Variants in MITF observed in about 807,000 individuals in gnomAD.
The protein encoded by MITF is melanocyte inducing transcription factor.
In MITF, 17 loss-of-function variants were observed where a neutral mutation model predicts 60.5. The ratio of observed to expected loss-of-function variants is 0.28; its 90% CI spans 0.19 to 0.42. MITF has a LOEUF of 0.42. Among genes scored for constraint, MITF ranks in the 10% least tolerant of loss-of-function variants. MITF has a pLI of 1.00. For synonymous variants in MITF, 260 were observed against 248.5 expected (o/e 1.05, Z -0.43); for missense variants, 622 against 683.5 (o/e 0.91, Z 1.00).
intron 1 of MITF, among the ~76,000 whole-genome samples, chr3:69,757,516 G>T (rs1029550398): frequency 1.3e-5 from 2 of 152,152 alleles, no homozygotes; most frequent in Non-Finnish European, 2.9e-5. Flanking sequence ...AGTTGGGGAG[G>T]TTTGGTCAGA....
At chr3:69,951,576 G>T (rs1367327228) in intron 6 of MITF, among the ~76,000 whole-genome samples, 2 of 150,292 alleles carry the variant, frequency 1.3e-5, no homozygotes, top group African/African-American at 4.9e-5. Context: ...TTTTACCAGG[G>T]TTTTTTTTTA....
At chr3:69,800,962 A>G (rs1392235205) in intron 1 of MITF, among the ~76,000 whole-genome samples, 2 of 152,162 alleles carry the variant, frequency 1.3e-5, no homozygotes, top group Admixed American at 1.3e-4. Context: ...TTATGTATAA[A>G]TTATAGAAAC....
At chr3:69,917,055 A>G (rs1045735373) in intron 2 of MITF, among the ~76,000 whole-genome samples, 4 of 152,196 alleles carry the variant, frequency 2.6e-5, no homozygotes, top group Admixed American at 6.5e-5. Flanking sequence ...TGTCCAGTGC[A>G]TGATGGGCAG....
chr3:69,931,301 G>A (rs192686827), intron 2 of MITF, among the ~76,000 whole-genome samples: 10 of 151,994 alleles, frequency 6.6e-5, no homozygotes, highest in South Asian at 2.1e-4. Flanking sequence ...TCTTCTATTC[G>A]GCTGAGATAA....
chr3:69,838,920 A>G (rs1215241501), intron 1 of MITF, among the ~76,000 whole-genome samples: 1 of 152,136 alleles, frequency 6.6e-6, no homozygotes, highest in Non-Finnish European at 1.5e-5. Context: ...GAGCAGTATG[A>G]TTGAGCTGCA....
chr3:69,892,595 C>T (rs554442288), intron 2 of MITF, among the ~76,000 whole-genome samples: 3 of 152,262 alleles, frequency 2.0e-5, no homozygotes, highest in East Asian at 3.9e-4. Context: ...TTTGGTTGCT[C>T]CTCTGAAGAA....
intron 1 of MITF, among the ~76,000 whole-genome samples, chr3:69,859,944 T>C (rs2063983746): frequency 6.6e-6 from 1 of 152,194 alleles, no homozygotes; most frequent in Admixed American, 6.5e-5. Flanking sequence ...CCCACACTGA[T>C]GACGGCCTTA....
At chr3:69,936,143 T>C (rs559486966) in intron 2 of MITF, among the ~76,000 whole-genome samples, 3 of 152,288 alleles carry the variant, frequency 2.0e-5, no homozygotes, top group Non-Finnish European at 4.4e-5. Context: ...GAAGAGGCTG[T>C]TGAACTTGAA....
intron 1 of MITF, among the ~76,000 whole-genome samples, chr3:69,802,574 C>T (rs142000970): frequency 3.3e-5 from 5 of 151,934 alleles, no homozygotes; most frequent in East Asian, 1.9e-4. Flanking sequence ...GTGAGGGAAC[C>T]GCCATCCATT....
intron 1 of MITF, among the ~76,000 whole-genome samples, chr3:69,871,009 T>C (rs993700618): frequency 6.6e-6 from 1 of 152,128 alleles, no homozygotes; most frequent in African/African-American, 2.4e-5. Flanking sequence ...TGGAGTTTGA[T>C]TGGCCCTCGT....
At chr3:69,895,407 C>A (rs2064851601) in intron 2 of MITF, among the ~76,000 whole-genome samples, 1 of 152,106 alleles carries the variant, frequency 6.6e-6, no homozygotes, top group South Asian at 2.1e-4. Flanking sequence ...TACTGCATTC[C>A]TGAGACTTTT....
chr3:69,886,992 A>T (rs907109277), intron 2 of MITF, among the ~76,000 whole-genome samples: 1 of 152,002 alleles, frequency 6.6e-6, no homozygotes, highest in African/African-American at 2.4e-5. Flanking sequence ...AGACTCACAC[A>T]CTTTTGATAT....
intron 1 of MITF, among the ~76,000 whole-genome samples, chr3:69,756,499 G>A (rs959052453): frequency 6.6e-6 from 1 of 152,064 alleles, no homozygotes; most frequent in Non-Finnish European, 1.5e-5. Context: ...ATTCCATGGT[G>A]TATATGTGCT....
At chr3:69,955,600 G>C (rs1043586290) in intron 7 of MITF, among the ~76,000 whole-genome samples, 1 of 151,834 alleles carries the variant, frequency 6.6e-6, no homozygotes, top group African/African-American at 2.4e-5. Context: ...GATCACTTGA[G>C]GTCAGGAGCT....
chr3:69,819,260 C>CT (rs1012946438), intron 1 of MITF, among the ~76,000 whole-genome samples: 79 of 152,290 alleles, frequency 5.2e-4, no homozygotes, highest in African/African-American at 1.8e-3. Flanking sequence ...TTCAGCTTTG[C>CT]TTTTTTGCCC....
intron 2 of MITF, among the ~76,000 whole-genome samples, chr3:69,890,381 A>G (rs1461926389): frequency 1.3e-5 from 2 of 152,136 alleles, no homozygotes; most frequent in African/African-American, 4.8e-5. Context: ...AAACCTACAC[A>G]TATCACACTT....
intron 1 of MITF, among the ~76,000 whole-genome samples, chr3:69,745,732 A>G (rs1275884356): frequency 1.3e-5 from 2 of 152,138 alleles, no homozygotes; most frequent in African/African-American, 4.8e-5. Context: ...GCCCTGCTTA[A>G]GTGCTGTCTG....
chr3:69,853,823 T>C (rs1201673267), intron 1 of MITF, among the ~76,000 whole-genome samples: 1 of 152,042 alleles, frequency 6.6e-6, no homozygotes, highest in Non-Finnish European at 1.5e-5. Flanking sequence ...TAGTGATGCA[T>C]TGTGTTAATA....
intron 1 of MITF, among the ~76,000 whole-genome samples, chr3:69,799,031 A>C (rs566630764): frequency 6.6e-6 from 1 of 152,286 alleles, no homozygotes; most frequent in East Asian, 1.9e-4. Context: ...CAGCAGAGAG[A>C]GCGTCAGACT....
Sources: allele counts gnomAD v4.1 joint callset (sites outside exome capture counted in the v4.1 genomes callset), GRCh38; gene constraint gnomAD v4.1.1; transcripts MANE v1.5; gene names NCBI Gene and HGNC (gene_info 2026-07-23, HGNC 2026-07-21).